The following EXO1 variants were observed in gnomAD, a reference collection of about 807,000 sequenced individuals.
EXO1 encodes exonuclease 1.
In EXO1, 69 loss-of-function variants were observed where a neutral mutation model predicts 84.5. That is an observed-to-expected ratio of 0.82 (90% confidence interval 0.67 to 1.00). The LOEUF is 1.00. Ranked by LOEUF, EXO1 falls within the 50% of genes least tolerant of loss-of-function variation. EXO1 has a pLI of 0.00. For synonymous variants in EXO1, 373 were observed against 366.1 expected (o/e 1.02, Z -0.21); for missense variants, 1,045 against 1,000.7 (o/e 1.04, Z -0.60).
At chr1:241,875,060 G>A (rs949913101) in intron 12 of EXO1, among the ~76,000 whole-genome samples, 4 of 152,158 alleles carry the variant, frequency 2.6e-5, no homozygotes, top group Non-Finnish European at 4.4e-5. Flanking sequence ...CTGGAGTACA[G>A]TGGCGCCATC....
rs905819666 is a variant in EXO1, at chr1:241,860,575, T to C, written c.815T>C (p.Ile272Thr). 2 of 1,614,052 alleles carry C rather than the reference T, an allele frequency of 1.2e-6. No individual in the cohort carries two copies. Among genetic ancestry groups the C allele is most frequent in the Non-Finnish European group, 1.7e-6 (2 of 1,179,918 alleles). The change falls in exon 9 of 16, where the codon ATC (isoleucine) becomes ACC (threonine). Residue 272 changes from isoleucine to threonine, a missense_variant. Coordinates refer to ENST00000366548, the MANE Select transcript of EXO1 (RefSeq NM_130398.4). ...AATATCACGGTACCAGAGGATTACA[T>C]CAACGGGTTTATTCGGGCCAACAAT... is the stretch of plus-strand genomic sequence containing the variant. The part of the protein sequence containing the change: ...KMNITVPEDY[I>T]NGFIRANNTF...
intron 6 of EXO1, 152 bp from the exon 7 acceptor site, chr1:241,857,193 C>G (rs2995544): frequency 1.4e-6 from 1 of 711,848 alleles, no homozygotes; most frequent in Non-Finnish European, 2.4e-6. Context: ...CTAAAACTTA[C>G]AGTAGAAAAA....
rs1660467038 is a variant in EXO1 at position 241,848,328 on chromosome 1, G to C, written c.-445G>C. ...CAACCGCAATCGGCTCCGCTCAAGGGGAGGAGGAGAGTCCCTTCTCGGAAG... is the reference window on the plus strand; with the variant it reads ...CAACCGCAATCGGCTCCGCTCAAGGCGAGGAGGAGAGTCCCTTCTCGGAAG... On this transcript the variant is annotated 5_prime_UTR_variant, in exon 1 of 16. Transcript: ENST00000366548. This position sits in a 1 kb window ranked among gnomAD's most constrained non-coding sequence, Gnocchi z 4.2. The C allele has an allele frequency of 6.6e-6, 1 of 152,430 alleles. No homozygotes were observed. Among genetic ancestry groups the C allele is most frequent in the Admixed American group, 6.5e-5 (1 of 15,292 alleles). The allele number at this position is 152,430 out of a possible 1,614,324, so 9.4% of individuals were successfully genotyped here.
chr1:241,869,768 C>T (rs181337805), intron 11 of EXO1, among the ~76,000 whole-genome samples: 2 of 28,682 alleles, frequency 7.0e-5, no homozygotes, highest in South Asian at 9.9e-4. Flanking sequence ...CCTTCCTTCC[C>T]TCCCTCCCTC....
At position 241,881,994 on chromosome 1, in the gene EXO1, A is replaced by G; in HGVS notation, c.2188A>G (p.Lys730Glu). ...GCTACGTTTATCTCATTTCTCAAAA[A>G]AAGACACACCTCTAAGGAACAAGGT... ...SKLRLSHFSK[K>E]DTPLRNKVPG... Residue 730 changes from lysine to glutamate, a missense_variant, in exon 14 of 16, where the codon AAA becomes GAA. By Grantham distance (56) the Lys-to-Glu change is moderately conservative. Transcript: ENST00000366548. The G allele has an allele frequency of 6.4e-7, 1 of 1,557,046 alleles. No individual in the cohort carries two copies. Among genetic ancestry groups the G allele is most frequent in the Non-Finnish European group, 8.9e-7 (1 of 1,129,580 alleles).
rs190830850 is a variant in EXO1 at position 241,888,822 on chromosome 1, C to A, written c.2406-643C>A. ...AGGCACAGTGGCTCACGCCTGTAAT[C>A]CCAGCACTTTGGGAGGCTGAGGCAG... On this transcript the variant is annotated intron_variant, in intron 15 of 15. Coordinates refer to ENST00000366548, the MANE Select transcript of EXO1 (RefSeq NM_130398.4). Among the ~76,000 whole-genome samples, 947 of 152,236 alleles carry A rather than the reference C, an allele frequency of 6.2e-3. 12 individuals are homozygous for A. Among genetic ancestry groups the A allele is most frequent in the African/African-American group, 0.022 (902 of 41,550 alleles).
chr1:241,871,978 AAT>A, intron 11 of EXO1, 52 bp from the exon 12 acceptor site: 2 of 1,507,386 alleles, frequency 1.3e-6, no homozygotes, highest in Non-Finnish European at 1.8e-6. Context: ...GTTAAGGCCA[AAT>A]CTCTAAGTAC....
chr1:241,875,451 G>C (rs1662336378), intron 12 of EXO1, among the ~76,000 whole-genome samples: 2 of 152,176 alleles, frequency 1.3e-5, no homozygotes, highest in South Asian at 4.1e-4. Flanking sequence ...GTCTTCTCAA[G>C]GAAACAGTTG....
chr1:241,852,957 TA>T (rs978689960), intron 5 of EXO1, among the ~76,000 whole-genome samples: 7 of 151,672 alleles, frequency 4.6e-5, no homozygotes, highest in South Asian at 4.2e-4. Flanking sequence ...GTGCCTGGCC[TA>T]AAAAAAAATT....
Position 241,860,661 on chromosome 1 carries a change from T to C in EXO1, c.901T>C (p.Tyr301His). The change falls in exon 9 of 16, where the codon TAT (tyrosine) becomes CAT (histidine). Residue 301 changes from tyrosine (Y) to histidine (H), a missense_variant. Coordinates refer to ENST00000366548, the MANE Select transcript of EXO1 (RefSeq NM_130398.4). Reference protein sequence around the residue: ...IKRKLIPLNAYEDDVDPETLS... With the variant: ...IKRKLIPLNAHEDDVDPETLS... ...AAGGAAACTTATTCCTCTGAACGCCTATGAAGATGATGTTGATCCTGAAAC... is the reference window on the plus strand; with the variant it reads ...AAGGAAACTTATTCCTCTGAACGCCCATGAAGATGATGTTGATCCTGAAAC... The C allele has an allele frequency of 6.2e-7, 1 of 1,613,996 alleles. No individual in the cohort carries two copies. The highest frequency in any genetic ancestry group is 8.5e-7 in the Non-Finnish European group (1 of 1,179,872).
At position 241,849,610 on chromosome 1, in the gene EXO1, G is replaced by A. The variant is rs1660539425; in HGVS notation, c.-18+394G>A. The stretch of plus-strand genomic sequence containing the variant: ...TGCGTTCTAATAGCAGTGAATTTCA[G>A]TCCTAAAAAAGTACAGGATCATTTC... On this transcript the variant is annotated intron_variant, in intron 3 of 15. Transcript: ENST00000366548. Among the ~76,000 whole-genome samples, 3 of 152,324 alleles carry A rather than the reference G, an allele frequency of 2.0e-5. No homozygotes were observed. The South Asian group carries it at 6.2e-4, about 32-fold the overall frequency.
intron 12 of EXO1, among the ~76,000 whole-genome samples, chr1:241,873,233 A>G (rs551774125): frequency 1.5e-4 from 23 of 151,998 alleles, no homozygotes; most frequent in South Asian, 2.1e-4. Context: ...CCTCCCCCCA[A>G]TTGTGGTTTT....
intron 10 of EXO1, among the ~76,000 whole-genome samples, chr1:241,865,546 T>A (rs887247023): frequency 1.3e-5 from 2 of 152,120 alleles, no homozygotes; most frequent in East Asian, 3.9e-4. Context: ...AAGCTTTTCC[T>A]TTGTCTCAGA....
intron 9 of EXO1, among the ~76,000 whole-genome samples, chr1:241,860,968 C>T (rs183603815): frequency 2.0e-5 from 3 of 152,312 alleles, no homozygotes; most frequent in East Asian, 1.9e-4. Flanking sequence ...CCGTCACTTA[C>T]GGTACACATT....
rs547661777 is a variant in EXO1 at position 241,879,237 on chromosome 1, G to A, written c.2003G>A (p.Arg668Gln). 4.7e-5 allele frequency: 75 copies of A among 1,599,534 alleles called. No homozygotes were observed. In the South Asian group the frequency reaches 5.7e-4, roughly 12 times the overall value. ...ESSDDESHPL[R>Q]EEACSSQSQE... ...AGTGACGATGAGTCTCATCCCTTAC[G>A]AGAAGAGGCATGTTCTTCACAGTCC... Residue 668 changes from arginine to glutamine, a missense_variant, in exon 13 of 16, where the codon CGA (arginine) becomes CAA (glutamine). Arg to Gln is a conservative substitution (Grantham distance 43, BLOSUM62 1). Transcript: ENST00000366548.
Position 241,857,352 on chromosome 1 carries a change from G to C in EXO1, c.413G>C (p.Arg138Pro), listed in dbSNP as rs764663715. The change falls in exon 7 of 16, where the codon CGG (arginine) becomes CCG (proline). Residue 138 changes from arginine to proline, a missense_variant. Transcript: ENST00000366548. The part of the protein sequence containing the change: ...AMAHKVIKAA[R>P]SQGVDCLVAP... The stretch of plus-strand genomic sequence containing the variant: ...TGTGATTCTCTCTTCTAGGCTGCCC[G>C]GTCTCAGGGGGTAGATTGCCTCGTG... 1.9e-6 allele frequency: 3 copies of C among 1,613,316 alleles called. No homozygotes were observed. The African/African-American group carries it at 4.0e-5, about 22-fold the overall frequency.
chr1:241,859,845 C>T (rs891406661), intron 8 of EXO1, among the ~76,000 whole-genome samples: 2 of 152,164 alleles, frequency 1.3e-5, no homozygotes, highest in African/African-American at 4.8e-5. Flanking sequence ...ATTCTCTAAA[C>T]CCTTAACAGT....
intron 13 of EXO1, among the ~76,000 whole-genome samples, chr1:241,880,283 G>T (rs570294071): frequency 1.3e-5 from 2 of 152,226 alleles, no homozygotes; most frequent in East Asian, 3.9e-4. Context: ...CACGGCAGTG[G>T]CTATCTTGAA....
chr1:241,858,357 A>G, intron 7 of EXO1, 149 bp from the exon 8 acceptor site: 1 of 629,486 alleles, frequency 1.6e-6, no homozygotes. Flanking sequence ...TTATTTGTAA[A>G]CTTAGTAATC....
Sources: allele counts gnomAD v4.1 joint callset (sites outside exome capture counted in the v4.1 genomes callset), GRCh38; gene constraint gnomAD v4.1.1; non-coding constraint Gnocchi (gnomAD v3.1); transcripts MANE v1.5; gene names NCBI Gene and HGNC (gene_info 2026-07-23, HGNC 2026-07-21).